Variants in CIRSR observed in about 807,000 individuals in gnomAD.
CIRSR encodes the protein CBF1 (RBPJ) interacting corepressor 1.
At chr2:174,384,076 C>A in the CIRSR span, among the ~76,000 whole-genome samples, 1 of 152,084 alleles carries the variant, frequency 6.6e-6, no homozygotes, top group Non-Finnish European at 1.5e-5. Context: ...TATTTCTATG[C>A]CAATGTTTAT....
At chr2:174,371,032 C>T in the CIRSR span, among the ~76,000 whole-genome samples, 3 of 152,114 alleles carry the variant, frequency 2.0e-5, no homozygotes, top group East Asian at 5.8e-4. Context: ...ATTAAAACCA[C>T]GTTCTTTCAC....
the CIRSR span, chr2:174,378,881 C>T: frequency 7.3e-7 from 1 of 1,373,074 alleles, no homozygotes; most frequent in Non-Finnish European, 1.0e-6. Flanking sequence ...TTTATCTTTC[C>T]TTGTTTGTCC....
the CIRSR span, chr2:174,349,085 A>C: frequency 7.0e-5 from 108 of 1,550,800 alleles, no homozygotes; most frequent in Non-Finnish European, 9.1e-5. Context: ...AAGAGGACTT[A>C]TGTTTTTTGT....
At chr2:174,352,390 C>T in the CIRSR span, among the ~76,000 whole-genome samples, 1 of 152,196 alleles carries the variant, frequency 6.6e-6, no homozygotes, top group Admixed American at 6.5e-5. Flanking sequence ...TACACTTCCA[C>T]TTTTGCAAAA....
At chr2:174,380,895 A>G in the CIRSR span, 1 of 1,066,944 alleles carries the variant, frequency 9.4e-7, no homozygotes, top group East Asian at 2.6e-5. Context: ...TGTATACACT[A>G]TGATATCATG....
the CIRSR span, among the ~76,000 whole-genome samples, chr2:174,356,076 A>G: frequency 6.6e-5 from 10 of 152,166 alleles, no homozygotes; most frequent in East Asian, 1.9e-3. Flanking sequence ...CTGGCCCATC[A>G]TTCTTTTCAA....
At chr2:174,370,203 A>G in the CIRSR span, among the ~76,000 whole-genome samples, 1 of 152,196 alleles carries the variant, frequency 6.6e-6, no homozygotes, top group Non-Finnish European at 1.5e-5. Flanking sequence ...CCTATACAGT[A>G]ACTGTTTATT....
At chr2:174,387,873 T>C in the CIRSR span, 1 of 1,130,674 alleles carries the variant, frequency 8.8e-7, no homozygotes. Context: ...AATGCAATTG[T>C]TTAAAGCAGG....
the CIRSR span, among the ~76,000 whole-genome samples, chr2:174,394,242 C>T: frequency 3.3e-4 from 50 of 152,226 alleles, no homozygotes; most frequent in African/African-American, 1.0e-3. Flanking sequence ...GTATATTTGT[C>T]TCTAAATATA....
At chr2:174,388,664 TTATA>T in the CIRSR span, among the ~76,000 whole-genome samples, 1 of 152,176 alleles carries the variant, frequency 6.6e-6, no homozygotes, top group Non-Finnish European at 1.5e-5. Context: ...CACATTCTTC[TTATA>T]TAAATGGTAA....
At chr2:174,370,910 C>CAAAAAAAAAAAAAAAAAAA in the CIRSR span, among the ~76,000 whole-genome samples, 1 of 128,680 alleles carries the variant, frequency 7.8e-6, no homozygotes, top group Non-Finnish European at 1.6e-5. Flanking sequence ...GACTCCGTCT[C>CAAAAAAAAAAAAAAAAAAA]AAAAAAAAAA....
chr2:174,361,237 C>T, the CIRSR span, among the ~76,000 whole-genome samples: 1 of 152,118 alleles, frequency 6.6e-6, no homozygotes, highest in African/African-American at 2.4e-5. Flanking sequence ...TGTTTTTCTG[C>T]AGTAGAATTA....
chr2:174,361,945 T>C, the CIRSR span, among the ~76,000 whole-genome samples: 1 of 152,228 alleles, frequency 6.6e-6, no homozygotes, highest in Admixed American at 6.5e-5. Context: ...TCATGAAATT[T>C]ACCATATTAT....
At chr2:174,395,388 T>A in the CIRSR span, among the ~76,000 whole-genome samples, 8 of 152,210 alleles carry the variant, frequency 5.3e-5, no homozygotes, top group Non-Finnish European at 1.0e-4. Context: ...ACCCGCTGCG[T>A]CAGCGAGCTG....
chr2:174,352,443 T>A, the CIRSR span, among the ~76,000 whole-genome samples: 9 of 152,182 alleles, frequency 5.9e-5, no homozygotes, highest in Non-Finnish European at 1.3e-4. Flanking sequence ...AAATATGAAC[T>A]AACAATAAAT....
chr2:174,380,622 T>C, the CIRSR span: 1 of 1,588,922 alleles, frequency 6.3e-7, no homozygotes, highest in Non-Finnish European at 8.6e-7. Flanking sequence ...ATGATACATA[T>C]CTTGTCTTAA....
chr2:174,385,288 A>G, the CIRSR span, among the ~76,000 whole-genome samples: 1 of 151,624 alleles, frequency 6.6e-6, no homozygotes, highest in African/African-American at 2.4e-5. Context: ...GGTGATTGAT[A>G]TAATAAACAT....
At chr2:174,370,140 G>A in the CIRSR span, 4 of 1,208,648 alleles carry the variant, frequency 3.3e-6, no homozygotes, top group East Asian at 2.3e-4. Flanking sequence ...ATGGGTGGTT[G>A]AGAAGCAGGC....
At chr2:174,386,327 A>G in the CIRSR span, among the ~76,000 whole-genome samples, 2 of 152,116 alleles carry the variant, frequency 1.3e-5, no homozygotes, top group African/African-American at 4.8e-5. Context: ...GATTACAGGC[A>G]TGCACTACCA....
Sources: gnomAD v4.1 joint callset for allele counts (sites outside exome capture counted in the v4.1 genomes callset) on GRCh38, gnomAD v4.1.1 for gene constraint, MANE v1.5 for transcripts, NCBI Gene and HGNC (gene_info 2026-07-23, HGNC 2026-07-21) for gene names.